VWC2: variants seen among roughly 807,000 people sequenced by gnomAD.
VWC2 encodes the protein von Willebrand factor C domain containing 2.
A neutral mutation model predicts 29.8 loss-of-function variants in VWC2; 14 were observed. That is an observed-to-expected ratio of 0.47 (90% confidence interval 0.31 to 0.74). The LOEUF (loss-of-function observed/expected upper bound fraction) is 0.74, where lower values mean the gene tolerates loss of function less well. Ranked by LOEUF, VWC2 falls within the 30% of genes least tolerant of loss-of-function variation. VWC2 has a pLI of 0.05. For synonymous variants in VWC2, 213 were observed against 199.0 expected, an observed-to-expected ratio of 1.07 and a Z score of -0.59; for missense variants, 457 against 459.8, an observed-to-expected ratio of 0.99 and a Z score of 0.05.
chr7:49,823,405 T>G (rs1337700966), intron 3 of VWC2, among the ~76,000 whole-genome samples: 1 of 152,226 alleles, frequency 6.6e-6, no homozygotes, highest in Non-Finnish European at 1.5e-5. Context: ...TGTTGGACTC[T>G]GCAGAGAAAG....
rs1441942801 is a variant in VWC2, at chr7:49,773,879, C to T, written c.-338C>T. 2 of 152,186 alleles carry T rather than the reference C, an allele frequency of 1.3e-5. No homozygotes were observed. Among genetic ancestry groups the T allele is most frequent in the African/African-American group, 4.8e-5 (2 of 41,420 alleles). 9.4% of individuals were successfully genotyped at this position (152,186 alleles called of 1,614,324 possible). The stretch of plus-strand genomic sequence containing the variant: ...ACTGAGGGCGACGCGGGCACTGACG[C>T]GAGTTGGGGCCGCGACTACCGGCAG... On this transcript the variant is annotated 5_prime_UTR_variant, in exon 1 of 4. Coordinates refer to ENST00000340652, the MANE Select transcript of VWC2 (RefSeq NM_198570.5).
chr7:49,814,027 T>C (rs192438070), intron 3 of VWC2, among the ~76,000 whole-genome samples: 2 of 152,346 alleles, frequency 1.3e-5, no homozygotes. Flanking sequence ...ATTCAGTTCC[T>C]CCTGTTGGCA....
chr7:49,829,820 G>A (rs1789484760), intron 3 of VWC2, among the ~76,000 whole-genome samples: 1 of 152,170 alleles, frequency 6.6e-6, no homozygotes, highest in Non-Finnish European at 1.5e-5. Context: ...TACAACAAGA[G>A]TCTGTGGTTT....
At chr7:49,779,588 T>A (rs1788130639) in intron 2 of VWC2, among the ~76,000 whole-genome samples, 1 of 151,998 alleles carries the variant, frequency 6.6e-6, no homozygotes, top group Admixed American at 6.6e-5. Flanking sequence ...TTGGCTTATT[T>A]TTTTTTTTCA....
At chr7:49,774,543 C>G (rs1391711744) in intron 1 of VWC2, among the ~76,000 whole-genome samples, 4 of 152,356 alleles carry the variant, frequency 2.6e-5, no homozygotes, top group South Asian at 4.1e-4. Context: ...GGGCCCCAGC[C>G]TCCCGCACTG....
At chr7:49,825,492 C>T (rs1261727293) in intron 3 of VWC2, among the ~76,000 whole-genome samples, 6 of 152,130 alleles carry the variant, frequency 3.9e-5, no homozygotes, top group South Asian at 2.1e-4. Flanking sequence ...ATATAGATCT[C>T]CTTTATTATT....
intron 3 of VWC2, among the ~76,000 whole-genome samples, chr7:49,866,590 A>G (rs974687616): frequency 6.6e-6 from 1 of 152,152 alleles, no homozygotes; most frequent in African/African-American, 2.4e-5. Flanking sequence ...AAAGACGGAA[A>G]ACAGCCTCCT....
At chr7:49,891,782 G>A (rs1442897002) in intron 3 of VWC2, among the ~76,000 whole-genome samples, 1 of 152,172 alleles carries the variant, frequency 6.6e-6, no homozygotes, top group Admixed American at 6.5e-5. Context: ...TGCACAGCAA[G>A]GACACTTCTA....
At position 49,775,460 on chromosome 7, in the gene VWC2, G is replaced by A; in HGVS notation, c.25G>A (p.Val9Ile). 1.4e-6 allele frequency: 2 copies of A among 1,475,032 alleles called. No homozygotes were observed. 91.4% of individuals were successfully genotyped at this position (1,475,032 alleles called of 1,614,324 possible). The change falls in exon 2 of 4, where the codon GTT becomes ATT. Residue 9 changes from valine to isoleucine, a missense_variant. Around this residue, in one of 2 missense-constraint regions of VWC2, gnomAD observed 272 missense variants for 202.7 expected, o/e 1.34. Transcript: ENST00000340652. MPSSTAMA[V>I]GALSSSLLVT... The stretch of plus-strand genomic sequence containing the variant: ...GATGCCCAGCTCCACTGCGATGGCA[G>A]TTGGCGCGCTCTCCAGTTCCCTCCT...
Position 49,837,563 on chromosome 7 carries a change from C to T in VWC2, c.826+34723C>T, listed in dbSNP as rs552992239. 4.7e-4 allele frequency among the ~76,000 whole-genome samples: 72 copies of T among 152,198 alleles called. No individual in the cohort carries two copies. In the South Asian group the frequency reaches 0.015, roughly 31 times the overall value. On this transcript the variant is annotated intron_variant, in intron 3 of 3. Coordinates refer to ENST00000340652, the MANE Select transcript of VWC2 (RefSeq NM_198570.5). ...GAGAGTTCTGGACATGGACTCAGGA[C>T]GTCTGATCAGTCATGGCACTTGCTG... is the stretch of plus-strand genomic sequence containing the variant.
rs1324319008 is a variant in VWC2 at position 49,918,922 on chromosome 7, A to T, written c.*6737A>T. ...AAAAATACAAAAAAATTACCTGGGC[A>T]TGGTGGCACATGCCTGTAATCTACT... On this transcript the variant is annotated 3_prime_UTR_variant, in exon 4 of 4. Transcript: ENST00000340652. 6.6e-6 allele frequency: 1 copy of T among 152,060 alleles called. No homozygotes were observed. Among genetic ancestry groups the T allele is most frequent in the African/African-American group, 2.4e-5 (1 of 41,392 alleles). 9.4% of individuals were successfully genotyped at this position (152,060 alleles called of 1,614,324 possible). A position where few individuals can be genotyped will look rare whatever the true frequency, so the allele number is the denominator to read the frequency against.
chr7:49,909,447 G>A (rs1351630421), intron 3 of VWC2, among the ~76,000 whole-genome samples: 1 of 152,200 alleles, frequency 6.6e-6, no homozygotes, highest in African/African-American at 2.4e-5. Context: ...TAAGGAAAAT[G>A]CACTGCAGAG....
intron 3 of VWC2, among the ~76,000 whole-genome samples, chr7:49,803,301 A>G (rs1287622641): frequency 6.6e-6 from 1 of 152,234 alleles, no homozygotes; most frequent in African/African-American, 2.4e-5. Flanking sequence ...GGTAGATCAG[A>G]AGCCTTGCTT....
chr7:49,780,494 G>A (rs941051961), intron 2 of VWC2, among the ~76,000 whole-genome samples: 1 of 152,182 alleles, frequency 6.6e-6, no homozygotes, highest in Non-Finnish European at 1.5e-5. Context: ...TCTCCTGGAG[G>A]ACTGTGATGG....
At chr7:49,856,102 G>A (rs1034777231) in intron 3 of VWC2, among the ~76,000 whole-genome samples, 1 of 152,192 alleles carries the variant, frequency 6.6e-6, no homozygotes, top group Non-Finnish European at 1.5e-5. Context: ...CTACTGGGAG[G>A]CAATGCATAA....
chr7:49,869,980 C>A (rs1397657172), intron 3 of VWC2, among the ~76,000 whole-genome samples: 1 of 152,010 alleles, frequency 6.6e-6, no homozygotes, highest in Non-Finnish European at 1.5e-5. Context: ...ATAAAAGAAA[C>A]TTGGAACAAA....
At chr7:49,832,343 T>C (rs1420986631) in intron 3 of VWC2, among the ~76,000 whole-genome samples, 1 of 152,150 alleles carries the variant, frequency 6.6e-6, no homozygotes, top group African/African-American at 2.4e-5. Context: ...TCATTCTATT[T>C]TCTGAGAAAC....
chr7:49,875,756 C>T (rs1791390476), intron 3 of VWC2, among the ~76,000 whole-genome samples: 1 of 152,046 alleles, frequency 6.6e-6, no homozygotes, highest in Middle Eastern at 3.2e-3. Context: ...TATATTTAGC[C>T]CTTAAAACAA....
chr7:49,802,738 G>A lies in VWC2; in HGVS notation c.724G>A (p.Glu242Lys), dbSNP rs2128705963. 1 of 1,614,242 alleles carries A rather than the reference G, an allele frequency of 6.2e-7. No individual in the cohort carries two copies. The highest frequency in any genetic ancestry group is 8.5e-7 in the Non-Finnish European group (1 of 1,180,040). The part of the protein sequence containing the change: ...VVSPCERCRC[E>K]ANGEVLCTVS... Reference sequence around the variant, plus strand: ...GTCTCCATGCGAGAGGTGTCGCTGTGAAGCCAACGGTGAGGTGCTATGCAC... The same window carrying A: ...GTCTCCATGCGAGAGGTGTCGCTGTAAAGCCAACGGTGAGGTGCTATGCAC... The change falls in exon 3 of 4, where the codon GAA becomes AAA. Residue 242 changes from glutamate (E) to lysine (K), a missense_variant. Physicochemically the swap from Glu to Lys is moderately conservative, Grantham distance 56. Transcript: ENST00000340652.
Sources: allele counts gnomAD v4.1 joint callset (sites outside exome capture counted in the v4.1 genomes callset), GRCh38; gene constraint gnomAD v4.1.1; regional missense constraint gnomAD v4.1.1; transcripts MANE v1.5; gene names NCBI Gene and HGNC (gene_info 2026-07-23, HGNC 2026-07-21).